RYR2: variants seen among roughly 807,000 people sequenced by gnomAD.
RYR2 encodes the protein cardiac muscle ryanodine receptor-calcium release channel.
Under a neutral mutation model 601.1 loss-of-function variants are expected in RYR2, and 227 were observed. That is an observed-to-expected ratio of 0.38 (90% confidence interval 0.34 to 0.42). The LOEUF (loss-of-function observed/expected upper bound fraction) is 0.42, where lower values mean the gene tolerates loss of function less well. RYR2 is among the 10% of genes least tolerant of loss of function. The pLI, the probability that RYR2 is intolerant of heterozygous loss-of-function variation, is 1.00. For synonymous variants in RYR2, 2,223 were observed against 2,175.1 expected (o/e 1.02, Z -0.61); for missense variants, 4,646 against 6,156.5 (o/e 0.75, Z 8.21).
At position 237,770,817 on chromosome 1, in the gene RYR2, T is replaced by C; in HGVS notation, c.11487T>C (p.Val3829=). 6.4e-7 allele frequency: 1 copy of C among 1,552,474 alleles called. No individual in the cohort carries two copies. Among genetic ancestry groups the C allele is most frequent in the Non-Finnish European group, 8.7e-7 (1 of 1,146,530 alleles). Residue 3829 remains valine, a synonymous_variant, in exon 85 of 105, where the codon GTT becomes GTC. Transcript: ENST00000366574. ...MVTEEGSGEK[V]LQDDEFTCDL... is the part of the protein sequence containing the mutation. The stretch of plus-strand genomic sequence containing the variant: ...CTGGATTTCCCACAGGAGAAAAGGT[T>C]CTGCAGGACGATGAGTTCACCTGTG...
intron 1 of RYR2, among the ~76,000 whole-genome samples, chr1:237,183,482 C>A (rs754213656): frequency 6.6e-6 from 1 of 152,128 alleles, no homozygotes; most frequent in Admixed American, 6.6e-5. Context: ...TCATCAGTGA[C>A]CTTTTGATAG....
intron 3 of RYR2, among the ~76,000 whole-genome samples, chr1:237,334,165 G>C (rs1697023829): frequency 6.6e-6 from 1 of 151,908 alleles, no homozygotes; most frequent in African/African-American, 2.4e-5. Context: ...GTATTCTTGG[G>C]TCATGAATAA....
At chr1:237,546,997 T>TA (rs58050661) in intron 25 of RYR2, among the ~76,000 whole-genome samples, 3,590 of 82,774 alleles carry the variant, frequency 0.043, 116 homozygotes, top group Middle Eastern at 0.099. Flanking sequence ...ATATATATAT[T>TA]TATTTATTTA....
chr1:237,165,149 G>A (rs1676549435), intron 1 of RYR2, among the ~76,000 whole-genome samples: 1 of 151,642 alleles, frequency 6.6e-6, no homozygotes, highest in South Asian at 2.1e-4. Flanking sequence ...GTAGAGATGG[G>A]GTCTCACTAT....
chr1:237,598,680 T>C (rs1264794393), intron 34 of RYR2, among the ~76,000 whole-genome samples: 1 of 152,144 alleles, frequency 6.6e-6, no homozygotes, highest in Admixed American at 6.5e-5. Context: ...GAGGGAAGTT[T>C]ACAGTATTAA....
At chr1:237,790,745 T>A (rs1658284302) in intron 92 of RYR2, among the ~76,000 whole-genome samples, 1 of 152,148 alleles carries the variant, frequency 6.6e-6, no homozygotes, top group Admixed American at 6.5e-5. Context: ...ATTAAGTCAT[T>A]TGTCCATATC....
chr1:237,710,442 CAA>C (rs1382983679), intron 70 of RYR2, among the ~76,000 whole-genome samples: 5 of 152,026 alleles, frequency 3.3e-5, no homozygotes, highest in Admixed American at 6.6e-5. Flanking sequence ...TTTGGGATGA[CAA>C]ATATTATTTA....
At chr1:237,530,325 AT>A in intron 24 of RYR2, 101 bp from the exon 25 acceptor site, 9 of 830,916 alleles carry the variant, frequency 1.1e-5, no homozygotes, top group Non-Finnish European at 1.7e-5. Flanking sequence ...AAAAAAAAAA[AT>A]TGTGCTTTCA....
chr1:237,548,361 A>G (rs1572826741), intron 25 of RYR2, 70 bp from the exon 26 acceptor site: 1 of 1,525,062 alleles, frequency 6.6e-7, no homozygotes, highest in East Asian at 2.3e-5. Flanking sequence ...GTAGGGCCAG[A>G]AAATGATATT....
intron 75 of RYR2, 79 bp from the exon 76 acceptor site, chr1:237,727,008 A>G: frequency 1.3e-6 from 1 of 777,156 alleles, no homozygotes; most frequent in Admixed American, 1.9e-5. Context: ...ATTTTTGAAG[A>G]TAGTTTGGGG....
At chr1:237,475,034 T>A (rs1661246990) in intron 17 of RYR2, among the ~76,000 whole-genome samples, 1 of 152,242 alleles carries the variant, frequency 6.6e-6, no homozygotes, top group African/African-American at 2.4e-5. Flanking sequence ...CAGATCACAT[T>A]TAATAAACGT....
intron 71 of RYR2, among the ~76,000 whole-genome samples, chr1:237,713,948 T>C (rs1188824084): frequency 6.6e-6 from 1 of 152,188 alleles, no homozygotes; most frequent in Admixed American, 6.5e-5. Flanking sequence ...ATAGGTTTTT[T>C]TTTTTGGTAG....
intron 22 of RYR2, among the ~76,000 whole-genome samples, chr1:237,503,950 CA>C (rs1664936390): frequency 6.6e-6 from 1 of 152,136 alleles, no homozygotes; most frequent in Non-Finnish European, 1.5e-5. Flanking sequence ...TCAGGTGATC[CA>C]CCCGCTTTGG....
intron 2 of RYR2, among the ~76,000 whole-genome samples, chr1:237,273,605 G>GGGAGTTA: frequency 6.6e-6 from 1 of 152,186 alleles, no homozygotes; most frequent in Admixed American, 6.5e-5. Flanking sequence ...AAGTAAGTAT[G>GGGAGTTA]ACTACCAAAA....
intron 80 of RYR2, among the ~76,000 whole-genome samples, chr1:237,750,574 T>A (rs1692459990): frequency 6.6e-6 from 1 of 151,048 alleles, no homozygotes; most frequent in African/African-American, 2.4e-5. Context: ...ATATAGTATG[T>A]AATATATAAA....
At chr1:237,349,801 G>GA (rs1442856925) in intron 3 of RYR2, among the ~76,000 whole-genome samples, 1 of 152,032 alleles carries the variant, frequency 6.6e-6, no homozygotes, top group Non-Finnish European at 1.5e-5. Flanking sequence ...TTTCCAGAGG[G>GA]AAAAATGCAA....
rs373257907 is a variant in RYR2, at chr1:237,364,644, A to G, written c.309+272A>G. ...GCTTTGGAGCTTTTAAATTTAGATAAATCACGTTTAGATTTAACAACTCAA... is the reference window on the plus strand; with the variant it reads ...GCTTTGGAGCTTTTAAATTTAGATAGATCACGTTTAGATTTAACAACTCAA... On this transcript the variant is annotated intron_variant, in intron 5 of 104. Coordinates refer to ENST00000366574, the MANE Select transcript of RYR2 (RefSeq NM_001035.3). Among the ~76,000 whole-genome samples, 19 of 152,236 alleles carry G rather than the reference A, an allele frequency of 1.2e-4. No individual in the cohort carries two copies. In the East Asian group the frequency reaches 1.7e-3, roughly 14 times the overall value.
chr1:237,384,323 A>T (rs1427103703), intron 8 of RYR2, among the ~76,000 whole-genome samples: 2 of 152,228 alleles, frequency 1.3e-5, no homozygotes, highest in African/African-American at 4.8e-5. Context: ...ACTCCTTATT[A>T]CCTAAAATCA....
At chr1:237,044,009 A>G (rs1342516555) in intron 1 of RYR2, among the ~76,000 whole-genome samples, 1 of 152,184 alleles carries the variant, frequency 6.6e-6, no homozygotes, top group African/African-American at 2.4e-5. Context: ...ACATCAGATG[A>G]CAACCTAATA....
Sources: allele counts gnomAD v4.1 joint callset (sites outside exome capture counted in the v4.1 genomes callset), GRCh38; gene constraint gnomAD v4.1.1; transcripts MANE v1.5; gene names NCBI Gene and HGNC (gene_info 2026-07-23, HGNC 2026-07-21).